PCDHGA4: variants seen among roughly 807,000 people sequenced by gnomAD.
PCDHGA4 encodes protocadherin gamma subfamily A, 4.
PCDHGA4 carries 38 observed loss-of-function variants against 54.6 expected under a neutral mutation model. That is an observed-to-expected ratio of 0.70 (90% CI 0.54 to 0.91). The LOEUF (loss-of-function observed/expected upper bound fraction) is 0.91. Ranked by LOEUF, PCDHGA4 falls within the 40% of genes least tolerant of loss-of-function variation. The probability of loss-of-function intolerance (pLI) is 0.00; values close to 1 mark genes in which losing one functional copy is unlikely to be tolerated. For synonymous variants in PCDHGA4, 511 were observed against 512.9 expected, an observed-to-expected ratio of 1.00 and a Z score of 0.05; for missense variants, 1,298 against 1,220.9, an observed-to-expected ratio of 1.06 and a Z score of -0.94.
At chr5:141,495,278 C>A (rs2099760057) in intron 2 of PCDHGA4, among the ~76,000 whole-genome samples, 1 of 152,174 alleles carries the variant, frequency 6.6e-6, no homozygotes, top group Non-Finnish European at 1.5e-5. Context: ...CCGGAGGAGG[C>A]GGTCCGCACT....
chr5:141,477,571 C>A lies in PCDHGA4; in HGVS notation c.2515-17236C>A, dbSNP rs1470454976. ...TAAACCTAAGTGTCTGGGACCCCGA[C>A]GCCCCGCAGAATGCTCGGCTTTCTT... is the stretch of plus-strand genomic sequence containing the variant. On this transcript the variant is annotated intron_variant, in intron 1 of 3. Coordinates refer to ENST00000571252, the MANE Select transcript of PCDHGA4 (RefSeq NM_018917.4). The surrounding 1 kb of genome is among the most constrained non-coding windows in gnomAD (Gnocchi z 4.9). The A allele has an allele frequency of 3.1e-6, 5 of 1,614,042 alleles. No homozygotes were observed. In the South Asian group the frequency reaches 4.4e-5, roughly 14 times the overall value.
At position 141,415,070 on chromosome 5, in the gene PCDHGA4, C is replaced by G. The variant is rs538474552; in HGVS notation, c.2514+57449C>G. ...GGGGAGCACACGGGCGAGGTGCGCACGGCGCGAGCCCTGCTGGACAGAGAC... is the reference window on the plus strand; with the variant it reads ...GGGGAGCACACGGGCGAGGTGCGCAGGGCGCGAGCCCTGCTGGACAGAGAC... On this transcript the variant is annotated intron_variant, in intron 1 of 3. Coordinates refer to ENST00000571252, the MANE Select transcript of PCDHGA4 (RefSeq NM_018917.4). 26 of 1,613,284 alleles carry G rather than the reference C, an allele frequency of 1.6e-5. No homozygotes were observed. The Middle Eastern group carries it at 1.5e-3, about 92-fold the overall frequency.
chr5:141,443,274 A>G (rs1259320198), intron 1 of PCDHGA4, among the ~76,000 whole-genome samples: 12 of 151,534 alleles, frequency 7.9e-5, no homozygotes, highest in African/African-American at 1.7e-4. Context: ...TGAGCCCAGG[A>G]GTTTGAGACC....
chr5:141,465,893 C>T (rs926928579), intron 1 of PCDHGA4, among the ~76,000 whole-genome samples: 23 of 152,078 alleles, frequency 1.5e-4, no homozygotes, highest in Middle Eastern at 3.4e-3. Context: ...GAGGCCGAGG[C>T]GGGCAAATCA....
At chr5:141,419,543 G>T (rs573594140) in intron 1 of PCDHGA4, 1 of 1,612,106 alleles carries the variant, frequency 6.2e-7, no homozygotes, top group East Asian at 2.2e-5. Flanking sequence ...CGCACCGCGG[G>T]TGCTGTACCC....
chr5:141,511,373 G>T lies in PCDHGA4; in HGVS notation c.*200G>T. On this transcript the variant is annotated 3_prime_UTR_variant, in exon 4 of 4. Transcript: ENST00000571252. ...CCCCCAGGGGGTTGAATATGCAAAA[G>T]CAGTTCCGCTGGGAACCCCCATCCA... 8.0e-7 allele frequency: 1 copy of T among 1,251,332 alleles called. No homozygotes were observed. The highest frequency in any genetic ancestry group is 1.6e-5 in the South Asian group (1 of 63,796). The allele number at this position is 1,251,332 out of a possible 1,614,324, so 77.5% of individuals were successfully genotyped here.
At chr5:141,428,098 A>G in intron 1 of PCDHGA4, 1 of 1,608,664 alleles carries the variant, frequency 6.2e-7, no homozygotes, top group Non-Finnish European at 8.5e-7. Flanking sequence ...CTGTCCTACC[A>G]CGTGCTGCAG....
At chr5:141,395,169 G>A in intron 1 of PCDHGA4, 3 of 1,614,020 alleles carry the variant, frequency 1.9e-6, no homozygotes, top group Non-Finnish European at 2.5e-6. Flanking sequence ...GGAGGGCTGT[G>A]AGAAAAATGA....
chr5:141,403,080 A>G, intron 1 of PCDHGA4: 2 of 1,614,078 alleles, frequency 1.2e-6, no homozygotes, highest in Non-Finnish European at 1.7e-6. Flanking sequence ...GAAAAGGGCT[A>G]TATTGTGGGC....
At chr5:141,436,335 A>T (rs2097814208) in intron 1 of PCDHGA4, among the ~76,000 whole-genome samples, 1 of 152,172 alleles carries the variant, frequency 6.6e-6, no homozygotes, top group African/African-American at 2.4e-5. Flanking sequence ...ACCATATCTC[A>T]AATATCAGTG....
rs2099623095 is a variant in PCDHGA4 at position 141,486,025 on chromosome 5, T to C, written c.2515-8782T>C. 1 of 1,613,958 alleles carries C rather than the reference T, an allele frequency of 6.2e-7. No individual in the cohort carries two copies. The highest frequency in any genetic ancestry group is 8.5e-7 in the Non-Finnish European group (1 of 1,179,932). The stretch of plus-strand genomic sequence containing the variant: ...ACGTCACCTTTTATTTCAGTGGTCA[T>C]ACCCCTGATCGTGTAAGAAACCTCT... On this transcript the variant is annotated intron_variant, in intron 1 of 3. Transcript: ENST00000571252. The surrounding 1 kb of genome is among the most constrained non-coding windows in gnomAD (Gnocchi z 5.0).
rs530404769 is a variant in PCDHGA4, at chr5:141,423,267, G to C, written c.2514+65646G>C. On this transcript the variant is annotated intron_variant, in intron 1 of 3. Coordinates refer to ENST00000571252, the MANE Select transcript of PCDHGA4 (RefSeq NM_018917.4). ...TCCTGGCGGACCTCGGCAGCCTCGA[G>C]TCTCTGGCTAACTCTGAAACCTCAG... The C allele has an allele frequency of 2.5e-6, 4 of 1,613,710 alleles. No individual in the cohort carries two copies. In the South Asian group the frequency reaches 4.4e-5, roughly 18 times the overall value.
chr5:141,471,925 G>A (rs1371923375), intron 1 of PCDHGA4, among the ~76,000 whole-genome samples: 1 of 152,076 alleles, frequency 6.6e-6, no homozygotes, highest in Non-Finnish European at 1.5e-5. Flanking sequence ...AAATTTTGGG[G>A]GTGATGAGAG....
rs776374898 is a variant in PCDHGA4, at chr5:141,414,958, G to A, written c.2514+57337G>A. ...AGAGCCCGGCTACCTGGTGACCAAG[G>A]TGGTGGCGGTGGACAGAGACTCCGG... On this transcript the variant is annotated intron_variant, in intron 1 of 3. Coordinates refer to ENST00000571252, the MANE Select transcript of PCDHGA4 (RefSeq NM_018917.4). The A allele has an allele frequency of 3.7e-6, 6 of 1,614,024 alleles. No homozygotes were observed. The South Asian group carries it at 4.4e-5, about 12-fold the overall frequency.
At chr5:141,384,259 C>A in intron 1 of PCDHGA4, 1 of 1,613,886 alleles carries the variant, frequency 6.2e-7, no homozygotes, top group Non-Finnish European at 8.5e-7. Flanking sequence ...CACCTTCCCC[C>A]ACTCATCCTA....
intron 1 of PCDHGA4, among the ~76,000 whole-genome samples, chr5:141,443,756 A>G (rs1234457212): frequency 6.6e-6 from 1 of 152,232 alleles, no homozygotes; most frequent in Non-Finnish European, 1.5e-5. Flanking sequence ...TTGGAAGCTT[A>G]CAATATACAA....
chr5:141,408,112 C>T, intron 1 of PCDHGA4: 1 of 1,460,448 alleles, frequency 6.8e-7, no homozygotes, highest in African/African-American at 1.4e-5. Flanking sequence ...CCCGGGACTC[C>T]TCCTGTCCTG....
At chr5:141,422,399 T>C in intron 1 of PCDHGA4, 3 of 1,598,374 alleles carry the variant, frequency 1.9e-6, no homozygotes, top group Non-Finnish European at 2.6e-6. Context: ...CCTAACCACC[T>C]GCCTTTTAAA....
At chr5:141,417,950 GAGCCGATCCGCT>G (rs1361985861) in intron 1 of PCDHGA4, 1 of 1,613,484 alleles carries the variant, frequency 6.2e-7, no homozygotes, top group African/African-American at 1.3e-5. Context: ...CACGCTGTGT[GAGCCGATCCGCT>G]ACTCGATTCC....
Sources: allele counts gnomAD v4.1 joint callset (sites outside exome capture counted in the v4.1 genomes callset), GRCh38; gene constraint gnomAD v4.1.1; non-coding constraint Gnocchi (gnomAD v3.1); transcripts MANE v1.5; gene names NCBI Gene and HGNC (gene_info 2026-07-23, HGNC 2026-07-21).